Variants in AKAP6 observed in about 807,000 individuals in gnomAD.
AKAP6 encodes A-kinase anchoring protein 6, also known as A-kinase anchor protein 6.
Under a neutral mutation model 188.5 loss-of-function variants are expected in AKAP6, and 58 were observed. The ratio of observed to expected loss-of-function variants is 0.31; its 90% CI spans 0.25 to 0.38. AKAP6 has a LOEUF of 0.38. Ranked by LOEUF, AKAP6 falls within the 10% of genes least tolerant of loss-of-function variation. The pLI is 1.00. For synonymous variants in AKAP6, 989 were observed against 998.6 expected (o/e 0.99, Z 0.18); for missense variants, 2,710 against 2,740.0 (o/e 0.99, Z 0.24).
At chr14:32,404,044 A>G (rs762690879) in intron 1 of AKAP6, among the ~76,000 whole-genome samples, 1 of 152,250 alleles carries the variant, frequency 6.6e-6, no homozygotes, top group Non-Finnish European at 1.5e-5. Context: ...AAAGATTACC[A>G]GGCTAAAGAA....
At chr14:32,817,935 G>A (rs1342059596) in intron 12 of AKAP6, among the ~76,000 whole-genome samples, 2 of 151,942 alleles carry the variant, frequency 1.3e-5, no homozygotes, top group African/African-American at 4.8e-5. Context: ...AACTTTTTTA[G>A]TTATATAAAT....
chr14:32,339,417 A>G (rs1886823865), intron 1 of AKAP6, among the ~76,000 whole-genome samples: 1 of 152,132 alleles, frequency 6.6e-6, no homozygotes, highest in African/African-American at 2.4e-5. Flanking sequence ...AATTATTCTA[A>G]ATTCTTCTAT....
intron 2 of AKAP6, among the ~76,000 whole-genome samples, chr14:32,534,976 A>C (rs1391055848): frequency 6.9e-6 from 1 of 145,510 alleles, no homozygotes; most frequent in Non-Finnish European, 1.5e-5. Context: ...AAAAAAAAAA[A>C]ACAAAAACAA....
chr14:32,497,446 T>C (rs1013343557), intron 2 of AKAP6, among the ~76,000 whole-genome samples: 1 of 152,160 alleles, frequency 6.6e-6, no homozygotes, highest in African/African-American at 2.4e-5. Context: ...TATAATTCAG[T>C]TGTGGTCAGA....
At chr14:32,496,897 G>A (rs1880348708) in intron 2 of AKAP6, among the ~76,000 whole-genome samples, 1 of 152,160 alleles carries the variant, frequency 6.6e-6, no homozygotes, top group South Asian at 2.1e-4. Context: ...TAGTTAAAAA[G>A]TAGATCATCC....
chr14:32,354,530 C>T (rs1887414491), intron 1 of AKAP6, among the ~76,000 whole-genome samples: 1 of 152,148 alleles, frequency 6.6e-6, no homozygotes, highest in South Asian at 2.1e-4. Flanking sequence ...TAATTTCTTT[C>T]TATGCAAATT....
intron 1 of AKAP6, among the ~76,000 whole-genome samples, chr14:32,349,648 A>G (rs190878966): frequency 3.7e-4 from 57 of 152,336 alleles, no homozygotes; most frequent in African/African-American, 1.3e-3. Flanking sequence ...AGTGATTACT[A>G]TGTGTCAGGC....
intron 1 of AKAP6, among the ~76,000 whole-genome samples, chr14:32,379,488 C>T (rs534461759): frequency 4.9e-4 from 75 of 152,102 alleles, no homozygotes; most frequent in Admixed American, 2.1e-3. Flanking sequence ...ACTGTTTCTT[C>T]TCTCATTTCC....
chr14:32,520,189 T>C (rs1178628105), intron 2 of AKAP6, among the ~76,000 whole-genome samples: 1 of 152,164 alleles, frequency 6.6e-6, no homozygotes, highest in Non-Finnish European at 1.5e-5. Context: ...TGGGACACAT[T>C]TAAAGCAGTG....
chr14:32,336,777 G>C (rs968056478), intron 1 of AKAP6, among the ~76,000 whole-genome samples: 3 of 152,106 alleles, frequency 2.0e-5, no homozygotes, highest in African/African-American at 7.2e-5. Flanking sequence ...TCTCCATCTT[G>C]AGTGCTCATA....
At chr14:32,357,644 A>G (rs1235373572) in intron 1 of AKAP6, among the ~76,000 whole-genome samples, 1 of 152,236 alleles carries the variant, frequency 6.6e-6, no homozygotes, top group African/African-American at 2.4e-5. Flanking sequence ...GCTGCTACTA[A>G]CACATGTGGC....
At chr14:32,595,168 A>C (rs2139332504) in intron 5 of AKAP6, among the ~76,000 whole-genome samples, 1 of 152,248 alleles carries the variant, frequency 6.6e-6, no homozygotes, top group Middle Eastern at 3.4e-3. Context: ...TTTAAAAATC[A>C]ACACTATATG....
At chr14:32,800,319 T>A (rs1302422197) in intron 12 of AKAP6, among the ~76,000 whole-genome samples, 6 of 151,380 alleles carry the variant, frequency 4.0e-5, no homozygotes, top group African/African-American at 1.5e-4. Context: ...GGAGGATTGC[T>A]CAAGCCTAGG....
At chr14:32,374,280 A>G (rs991610039) in intron 1 of AKAP6, among the ~76,000 whole-genome samples, 3 of 152,212 alleles carry the variant, frequency 2.0e-5, no homozygotes, top group Non-Finnish European at 2.9e-5. Flanking sequence ...CTACAATGCA[A>G]TTGAGAGAGA....
chr14:32,499,976 A>G (rs1330758130), intron 2 of AKAP6, among the ~76,000 whole-genome samples: 2 of 152,076 alleles, frequency 1.3e-5, no homozygotes, highest in Admixed American at 6.6e-5. Flanking sequence ...TTGTATTTGT[A>G]TGTACCAAAA....
At chr14:32,711,655 A>C (rs1370571127) in intron 9 of AKAP6, among the ~76,000 whole-genome samples, 1 of 152,030 alleles carries the variant, frequency 6.6e-6, no homozygotes, top group African/African-American at 2.4e-5. Context: ...AGATCTCTAT[A>C]TGTTAATTTC....
intron 12 of AKAP6, among the ~76,000 whole-genome samples, chr14:32,782,204 A>C: frequency 7.4e-6 from 1 of 135,498 alleles, no homozygotes; most frequent in Non-Finnish European, 1.6e-5. Context: ...GGAGGGAGGG[A>C]GGGAGGAAGG....
intron 2 of AKAP6, among the ~76,000 whole-genome samples, chr14:32,465,907 G>A (rs913305465): frequency 2.0e-5 from 3 of 152,144 alleles, no homozygotes; most frequent in Non-Finnish European, 2.9e-5. Context: ...TCATCAAAAT[G>A]TGGGAGAAGG....
At chr14:32,605,599 A>G (rs1490815315) in intron 7 of AKAP6, among the ~76,000 whole-genome samples, 1 of 152,180 alleles carries the variant, frequency 6.6e-6, no homozygotes, top group Admixed American at 6.5e-5. Flanking sequence ...CAAAATTTTT[A>G]TTGTCATATT....
Sources: allele counts gnomAD v4.1 joint callset (sites outside exome capture counted in the v4.1 genomes callset), GRCh38; gene constraint gnomAD v4.1.1; transcripts MANE v1.5; gene names NCBI Gene and HGNC (gene_info 2026-07-23, HGNC 2026-07-21).